The following TRIM16 variants were observed in gnomAD, a reference collection of about 807,000 sequenced individuals.
The protein encoded by TRIM16 is tripartite motif containing 16.
Under a neutral mutation model 50.4 loss-of-function variants are expected in TRIM16, and 33 were observed. The observed-to-expected ratio is 0.65, with a 90% confidence interval of 0.50 to 0.88. TRIM16 has a LOEUF of 0.88. TRIM16 is among the 40% of genes least tolerant of loss of function. The pLI is 0.00. For missense variants in TRIM16, 581 were observed against 686.8 expected, an observed-to-expected ratio of 0.85 and a Z score of 1.72; for synonymous variants, 229 against 270.7, an observed-to-expected ratio of 0.85 and a Z score of 1.51.
intron 7 of TRIM16, among the ~76,000 whole-genome samples, chr17:15,644,584 C>G (rs578019408): frequency 6.6e-6 from 1 of 152,264 alleles, no homozygotes; most frequent in South Asian, 2.1e-4. Context: ...TCACTTCCCT[C>G]CCTGGAGGAG....
chr17:15,665,460 A>C (rs1485085572), intron 6 of TRIM16, among the ~76,000 whole-genome samples: 2 of 152,120 alleles, frequency 1.3e-5, no homozygotes, highest in Non-Finnish European at 1.5e-5. Context: ...CATGAGCCGA[A>C]ATGGTGCCAC....
At position 15,683,078 on chromosome 17, in the gene TRIM16, C is replaced by T. The variant is rs1254149716; in HGVS notation, c.-819G>A. The stretch of plus-strand genomic sequence containing the variant: ...CAGGTCCAATCCTCCATAATCATAG[C>T]CTTTGCTTCACTATTTGGGTGTAGC... On this transcript the variant is annotated 5_prime_UTR_variant, in exon 2 of 12. Coordinates refer to ENST00000649191, the MANE Select transcript of TRIM16 (RefSeq NM_001348119.1). 1.3e-6 allele frequency: 2 copies of T among 1,550,618 alleles called. No individual in the cohort carries two copies. Among genetic ancestry groups the T allele is most frequent in the Non-Finnish European group, 1.7e-6 (2 of 1,147,004 alleles).
At chr17:15,674,363 C>T (rs2654359) in intron 6 of TRIM16, among the ~76,000 whole-genome samples, 3 of 150,086 alleles carry the variant, frequency 2.0e-5, no homozygotes, top group Non-Finnish European at 4.4e-5. Context: ...AGCAAGACTC[C>T]GTCTCAAAAA....
chr17:15,658,314 C>G (rs1025830226), intron 6 of TRIM16, among the ~76,000 whole-genome samples: 10 of 152,196 alleles, frequency 6.6e-5, no homozygotes, highest in African/African-American at 2.2e-4. Flanking sequence ...AACCCAAAGA[C>G]TCTCTCTAGC....
At chr17:15,648,644 C>A (rs753577723) in intron 7 of TRIM16, among the ~76,000 whole-genome samples, 1 of 152,212 alleles carries the variant, frequency 6.6e-6, no homozygotes, top group Admixed American at 6.5e-5. Context: ...GCTGAAGGGA[C>A]TACTGGGCTT....
At chr17:15,676,663 C>G (rs1342862558) in intron 6 of TRIM16, among the ~76,000 whole-genome samples, 1 of 151,720 alleles carries the variant, frequency 6.6e-6, no homozygotes, top group Non-Finnish European at 1.5e-5. Flanking sequence ...TCTCCATCTC[C>G]TGACCTCGTG....
At chr17:15,650,211 C>T (rs1456656579) in intron 7 of TRIM16, among the ~76,000 whole-genome samples, 2 of 152,230 alleles carry the variant, frequency 1.3e-5, no homozygotes, top group East Asian at 1.9e-4. Flanking sequence ...CACCTGCACT[C>T]AGTGTCAACA....
At chr17:15,635,884 G>A (rs1209071379) in intron 9 of TRIM16, 152 bp downstream of exon 9, 7 of 719,522 alleles carry the variant, frequency 9.7e-6, no homozygotes, top group Non-Finnish European at 1.6e-5. Flanking sequence ...ATACTCTGCT[G>A]AATGAAGAAT....
chr17:15,631,666 T>C lies in TRIM16; in HGVS notation c.1064A>G (p.Tyr355Cys). ...GCTGGGCTCAGGTTTGGAAGTCCAA[T>C]ATTTGCGCTGAACAACGGCAGACAC... ...TQVSAVVQRK[Y>C]WTSKPEPSTR... The change falls in exon 11 of 12, where the codon TAT becomes TGT. Residue 355 changes from tyrosine (Y) to cysteine (C), a missense_variant. Physicochemically the swap from Tyr to Cys is radical, Grantham distance 194 (BLOSUM62 -2). Coordinates refer to ENST00000649191, the MANE Select transcript of TRIM16 (RefSeq NM_001348119.1). 1.9e-6 allele frequency: 3 copies of C among 1,613,940 alleles called. No homozygotes were observed. The highest frequency in any genetic ancestry group is 2.5e-6 in the Non-Finnish European group (3 of 1,179,870).
intron 7 of TRIM16, among the ~76,000 whole-genome samples, chr17:15,646,655 A>C (rs1597624218): frequency 6.8e-6 from 1 of 147,126 alleles, no homozygotes; most frequent in Non-Finnish European, 1.5e-5. Context: ...AGTGGCAGCC[A>C]GGTCATGTTA....
chr17:15,680,923 T>C lies in TRIM16; in HGVS notation c.-648A>G, dbSNP rs1394362141. The C allele has an allele frequency of 1.2e-5, 19 of 1,545,686 alleles. No homozygotes were observed. In the East Asian group the frequency reaches 2.4e-4, roughly 20 times the overall value. ...ATTTTCCTTCTTAAGATACCCCTTT[T>C]GGGAAAGGGCAGGGTCCTCAGAGGG... On this transcript the variant is annotated 5_prime_UTR_variant, in exon 4 of 12. Transcript: ENST00000649191.
chr17:15,682,110 G>A (rs1483915389), intron 3 of TRIM16, among the ~76,000 whole-genome samples: 2 of 152,046 alleles, frequency 1.3e-5, no homozygotes, highest in African/African-American at 4.8e-5. Flanking sequence ...GCACATAAAC[G>A]GCCCAAACCA....
intron 11 of TRIM16, among the ~76,000 whole-genome samples, chr17:15,631,361 T>C (rs1986408665): frequency 6.6e-6 from 1 of 152,266 alleles, no homozygotes; most frequent in African/African-American, 2.4e-5. Context: ...TTATGTAATG[T>C]GTTAACATTA....
Position 15,648,082 on chromosome 17 carries a change from C to T in TRIM16, c.519+3009G>A, listed in dbSNP as rs181156705. On this transcript the variant is annotated intron_variant, in intron 7 of 11. Coordinates refer to ENST00000649191, the MANE Select transcript of TRIM16 (RefSeq NM_001348119.1). ...CTATTAAATATACAAAAAAATTAGC[C>T]GGGCGTGGTGGCGAGCACCTGTAGT... Among the ~76,000 whole-genome samples the T allele has an allele frequency of 1.4e-4, 22 of 151,968 alleles. No individual in the cohort carries two copies. The East Asian group carries it at 3.3e-3, about 23-fold the overall frequency.
At chr17:15,681,210 G>T in intron 3 of TRIM16, 1 of 307,756 alleles carries the variant, frequency 3.2e-6, no homozygotes. Context: ...AGGTTCCCTG[G>T]GACCAAAAAA....
At chr17:15,638,257 T>TAAAAAAAA (rs1986941005) in intron 8 of TRIM16, among the ~76,000 whole-genome samples, 1 of 117,640 alleles carries the variant, frequency 8.5e-6, no homozygotes, top group African/African-American at 4.8e-5. Flanking sequence ...AAAAATAAAT[T>TAAAAAAAA]TAAAAAAAAA....
intron 7 of TRIM16, among the ~76,000 whole-genome samples, chr17:15,648,256 C>CA (rs1186632728): frequency 1.9e-4 from 26 of 137,012 alleles, no homozygotes; most frequent in African/African-American, 5.1e-4. Flanking sequence ...AACAAACAAA[C>CA]AAACAAACAA....
At chr17:15,682,022 A>G (rs1277851032) in intron 3 of TRIM16, among the ~76,000 whole-genome samples, 3 of 152,146 alleles carry the variant, frequency 2.0e-5, no homozygotes, top group African/African-American at 7.2e-5. Context: ...ACCATAGCCA[A>G]GTTTCTTCTG....
chr17:15,647,258 C>T (rs1288980882), intron 7 of TRIM16, among the ~76,000 whole-genome samples: 5 of 152,184 alleles, frequency 3.3e-5, no homozygotes, highest in Non-Finnish European at 7.3e-5. Flanking sequence ...AGGCGTGAGC[C>T]ACCGCGCCCG....
Sources: gnomAD v4.1 joint callset for allele counts (sites outside exome capture counted in the v4.1 genomes callset) on GRCh38, gnomAD v4.1.1 for gene constraint, MANE v1.5 for transcripts, NCBI Gene and HGNC (gene_info 2026-07-23, HGNC 2026-07-21) for gene names.